The following TMEM135 variants were observed in gnomAD, a reference collection of about 807,000 sequenced individuals.
TMEM135 encodes peroxisomal membrane protein 52.
A neutral mutation model predicts 60.3 loss-of-function variants in TMEM135; 30 were observed. The ratio of observed to expected loss-of-function variants is 0.50; its 90% confidence interval spans 0.37 to 0.68. TMEM135 has a LOEUF of 0.68. Among genes scored for constraint, TMEM135 ranks in the 30% least tolerant of loss-of-function variants. TMEM135 has a pLI of 0.00. For synonymous variants in TMEM135, 190 were observed against 186.7 expected (o/e 1.02, Z -0.14); for missense variants, 468 against 548.8 (o/e 0.85, Z 1.47).
chr11:87,067,782 C>G lies in TMEM135; in HGVS notation c.230C>G (p.Ala77Gly), dbSNP rs1188807194. 6.2e-7 allele frequency: 1 copy of G among 1,613,788 alleles called. No homozygotes were observed. The highest frequency in any genetic ancestry group is 8.5e-7 in the Non-Finnish European group (1 of 1,179,924). ...CTACAATCCGCTTCATTTCTAACTG[C>G]TAATGGGGCCTTGTATATGGCTTTC... ...EILQSASFLT[A>G]NGALYMAFFC... Residue 77 changes from alanine to glycine, a missense_variant, in exon 2 of 15, where the codon GCT becomes GGT. By Grantham distance (60) the Ala-to-Gly change is moderately conservative (BLOSUM62 0). Coordinates refer to ENST00000305494, the MANE Select transcript of TMEM135 (RefSeq NM_022918.4).
At chr11:87,039,425 G>GGCT (rs1227387117) in intron 1 of TMEM135, among the ~76,000 whole-genome samples, 1 of 152,124 alleles carries the variant, frequency 6.6e-6, no homozygotes, top group African/African-American at 2.4e-5. Context: ...TGATGGTGGG[G>GGCT]GCTGCACTTT....
chr11:87,199,453 A>AT (rs1940044933), intron 5 of TMEM135, among the ~76,000 whole-genome samples: 1 of 152,226 alleles, frequency 6.6e-6, no homozygotes, highest in South Asian at 2.1e-4. Context: ...ATAGACAAGC[A>AT]TTCACTTTAG....
intron 6 of TMEM135, among the ~76,000 whole-genome samples, chr11:87,266,774 A>C (rs1187691240): frequency 6.6e-6 from 1 of 152,204 alleles, no homozygotes; most frequent in East Asian, 1.9e-4. Flanking sequence ...AGAGGGTCAA[A>C]GGCCTGAAGA....
intron 1 of TMEM135, among the ~76,000 whole-genome samples, chr11:87,057,853 T>C (rs1949908454): frequency 6.6e-6 from 1 of 151,736 alleles, no homozygotes; most frequent in Non-Finnish European, 1.5e-5. Context: ...TGGCTCACAA[T>C]TTTGGAGGCT....
At chr11:87,098,400 C>T (rs1857378929) in intron 4 of TMEM135, among the ~76,000 whole-genome samples, 1 of 102,776 alleles carries the variant, frequency 9.7e-6, no homozygotes, top group Admixed American at 1.0e-4. Context: ...TATTTGACTG[C>T]ATTAATGTTG....
At chr11:87,189,607 AACT>A (rs900695125) in intron 5 of TMEM135, among the ~76,000 whole-genome samples, 20 of 152,202 alleles carry the variant, frequency 1.3e-4, no homozygotes, top group African/African-American at 4.6e-4. Context: ...TACATTCTGA[AACT>A]ACTATTAAAT....
chr11:87,268,154 A>T (rs368268302), intron 6 of TMEM135, among the ~76,000 whole-genome samples: 6 of 70,346 alleles, frequency 8.5e-5, no homozygotes, highest in African/African-American at 1.3e-4. Flanking sequence ...CCTTTCCTTT[A>T]TTTCCTTTCC....
chr11:87,062,414 CAAG>C (rs1240955254), intron 1 of TMEM135, among the ~76,000 whole-genome samples: 1 of 32,884 alleles, frequency 3.0e-5, no homozygotes, highest in African/African-American at 1.1e-4. Flanking sequence ...CATTTCCCCC[CAAG>C]CCCCCCCCCC....
chr11:87,161,188 G>A (rs1565467078), intron 5 of TMEM135, among the ~76,000 whole-genome samples: 1 of 152,180 alleles, frequency 6.6e-6, no homozygotes, highest in East Asian at 1.9e-4. Context: ...ATGAGCCGCT[G>A]TGCCTGGCCT....
At chr11:87,241,998 C>G (rs1300436473) in intron 6 of TMEM135, among the ~76,000 whole-genome samples, 1 of 151,270 alleles carries the variant, frequency 6.6e-6, no homozygotes, top group Non-Finnish European at 1.5e-5. Flanking sequence ...AATGCTCTCT[C>G]CCTGCCCCCC....
chr11:87,219,288 T>G (rs886553392), intron 5 of TMEM135, among the ~76,000 whole-genome samples: 1 of 152,180 alleles, frequency 6.6e-6, no homozygotes, highest in South Asian at 2.1e-4. Context: ...TACTACAGAC[T>G]AGATGGCTTA....
intron 6 of TMEM135, among the ~76,000 whole-genome samples, chr11:87,265,845 A>G (rs948951966): frequency 4.6e-5 from 7 of 152,176 alleles, no homozygotes; most frequent in Admixed American, 3.3e-4. Flanking sequence ...CACTGAGTCA[A>G]TTTCTTATTG....
chr11:87,311,070 AAAG>A (rs1325382608), intron 10 of TMEM135, among the ~76,000 whole-genome samples: 27 of 149,316 alleles, frequency 1.8e-4, no homozygotes, highest in African/African-American at 5.9e-4. Flanking sequence ...AAATATATTG[AAAG>A]AAGAATATAT....
chr11:87,306,881 C>G (rs1942554095), intron 9 of TMEM135, among the ~76,000 whole-genome samples: 2 of 152,014 alleles, frequency 1.3e-5, no homozygotes, highest in African/African-American at 4.8e-5. Flanking sequence ...ATCATCATGC[C>G]TGGCTAATTT....
At chr11:87,084,120 GA>G (rs999169370) in intron 3 of TMEM135, among the ~76,000 whole-genome samples, 23 of 151,450 alleles carry the variant, frequency 1.5e-4, no homozygotes, top group South Asian at 2.1e-4. Context: ...AAAGCTTCTG[GA>G]AAAAAAACCC....
intron 12 of TMEM135, among the ~76,000 whole-genome samples, chr11:87,314,855 A>G (rs1444011839): frequency 1.3e-5 from 2 of 151,946 alleles, no homozygotes; most frequent in East Asian, 1.9e-4. Context: ...TTTAAAGCCA[A>G]TCCCAGACAC....
intron 5 of TMEM135, among the ~76,000 whole-genome samples, chr11:87,160,962 C>T (rs1292722750): frequency 6.6e-6 from 1 of 152,094 alleles, no homozygotes; most frequent in African/African-American, 2.4e-5. Context: ...TGCAGTGGTG[C>T]AATCTAGGCT....
At chr11:87,160,849 A>G (rs1020508861) in intron 5 of TMEM135, among the ~76,000 whole-genome samples, 2 of 152,090 alleles carry the variant, frequency 1.3e-5, no homozygotes, top group Non-Finnish European at 2.9e-5. Flanking sequence ...GAGTAGCTGG[A>G]CCTTTGTGCA....
At chr11:87,131,807 G>T (rs979552723) in intron 4 of TMEM135, among the ~76,000 whole-genome samples, 1 of 152,160 alleles carries the variant, frequency 6.6e-6, no homozygotes, top group Admixed American at 6.5e-5. Context: ...CATACAACAG[G>T]AGGTGAATGG....
Sources: allele counts gnomAD v4.1 joint callset (sites outside exome capture counted in the v4.1 genomes callset), GRCh38; gene constraint gnomAD v4.1.1; transcripts MANE v1.5; gene names NCBI Gene and HGNC (gene_info 2026-07-23, HGNC 2026-07-21).